The following UTS2 variants were observed in gnomAD, a reference collection of about 807,000 sequenced individuals.
The protein encoded by UTS2 is urotensin 2.
A neutral mutation model predicts 12.6 loss-of-function variants in UTS2; 10 were observed. The ratio of observed to expected loss-of-function variants is 0.80; its 90% CI spans 0.49 to 1.35. The LOEUF (loss-of-function observed/expected upper bound fraction) is 1.35, where lower values mean the gene tolerates loss of function less well. UTS2 is among the 40% of genes most tolerant of loss of function. UTS2 has a pLI of 0.00. For synonymous variants in UTS2, 52 were observed against 50.0 expected (o/e 1.04, Z -0.17); for missense variants, 142 against 143.2 (o/e 0.99, Z 0.04).
the UTS2 span, among the ~76,000 whole-genome samples, chr1:7,908,142 T>C: frequency 1.3e-5 from 2 of 151,350 alleles, no homozygotes; most frequent in East Asian, 3.9e-4. Context: ...CTACTAAAAA[T>C]AGAAAAATTA....
At chr1:7,883,452 A>C in the UTS2 span, among the ~76,000 whole-genome samples, 2 of 152,212 alleles carry the variant, frequency 1.3e-5, no homozygotes, top group Non-Finnish European at 2.9e-5. Context: ...AATAAGTTCC[A>C]GTGTTTGATA....
chr1:7,875,620 G>A, the UTS2 span, among the ~76,000 whole-genome samples: 594 of 152,092 alleles, frequency 3.9e-3, 4 homozygotes, highest in African/African-American at 0.014. Context: ...GACCACAACC[G>A]CCACTGACTG....
chr1:7,866,473 C>T, the UTS2 span, among the ~76,000 whole-genome samples: 1 of 152,188 alleles, frequency 6.6e-6, no homozygotes, highest in Non-Finnish European at 1.5e-5. The surrounding 1 kb of genome is among the most constrained non-coding windows in gnomAD (Gnocchi z 4.5). Context: ...CCAGCCCTCT[C>T]ATAATCTAAT....
the UTS2 span, among the ~76,000 whole-genome samples, chr1:7,900,669 T>A: frequency 5.3e-5 from 8 of 152,052 alleles, no homozygotes; most frequent in African/African-American, 1.9e-4. Flanking sequence ...TAATCCCAGC[T>A]ACTCAGGAGG....
At chr1:7,913,147 C>G in the UTS2 span, among the ~76,000 whole-genome samples, 11 of 151,976 alleles carry the variant, frequency 7.2e-5, no homozygotes, top group African/African-American at 7.2e-5. Context: ...TCCCTCCCAC[C>G]AAGAGACGTG....
chr1:7,863,959 C>A, the UTS2 span, among the ~76,000 whole-genome samples: 13 of 152,206 alleles, frequency 8.5e-5, no homozygotes, highest in Non-Finnish European at 1.9e-4. Flanking sequence ...GTGGCCTCAT[C>A]CCCCGGGGGG....
the UTS2 span, among the ~76,000 whole-genome samples, chr1:7,879,863 T>A: frequency 0.55 from 83,579 of 151,922 alleles, 23,487 homozygotes; most frequent in Non-Finnish European, 0.59. Context: ...TGCCTACATC[T>A]AAAAAGAAGA....
chr1:7,891,597 A>AAAGG, the UTS2 span, among the ~76,000 whole-genome samples: 1 of 150,250 alleles, frequency 6.7e-6, no homozygotes, highest in African/African-American at 2.5e-5. Context: ...AGAAAGAAAG[A>AAAGG]AAATTGCCAA....
the UTS2 span, among the ~76,000 whole-genome samples, chr1:7,901,922 C>A: frequency 3.3e-5 from 5 of 152,060 alleles, no homozygotes; most frequent in African/African-American, 1.2e-4. Flanking sequence ...ATGTCCTAAG[C>A]CAGAGAAAAG....
At chr1:7,855,022 G>T (rs1405895223), upstream of UTS2, among the ~76,000 whole-genome samples, 1 of 152,016 alleles carries the variant, frequency 6.6e-6, no homozygotes, top group South Asian at 2.1e-4. Context: ...TTAGCTGGGC[G>T]TGGTGGCAGG....
At chr1:7,878,817 T>C in the UTS2 span, among the ~76,000 whole-genome samples, 2 of 151,978 alleles carry the variant, frequency 1.3e-5, no homozygotes, top group Non-Finnish European at 2.9e-5. Flanking sequence ...AAAGTGAAAG[T>C]ACAAAAAACA....
At chr1:7,864,819 T>G in the UTS2 span, among the ~76,000 whole-genome samples, 1 of 152,184 alleles carries the variant, frequency 6.6e-6, no homozygotes, top group Non-Finnish European at 1.5e-5. Context: ...TAACCTACCT[T>G]TTGTCAGTTG....
chr1:7,866,588 C>T, the UTS2 span, among the ~76,000 whole-genome samples: 1 of 152,186 alleles, frequency 6.6e-6, no homozygotes, highest in Non-Finnish European at 1.5e-5. This position sits in a 1 kb window ranked among gnomAD's most constrained non-coding sequence, Gnocchi z 4.5. Flanking sequence ...AGAACTCAAC[C>T]TCATCTCCAA....
At chr1:7,863,125 AT>A in the UTS2 span, among the ~76,000 whole-genome samples, 4 of 149,674 alleles carry the variant, frequency 2.7e-5, no homozygotes, top group African/African-American at 9.9e-5. Context: ...ATTGTATTGT[AT>A]TTGAGACGAA....
the UTS2 span, among the ~76,000 whole-genome samples, chr1:7,888,433 C>A: frequency 6.6e-6 from 1 of 151,772 alleles, no homozygotes; most frequent in African/African-American, 2.4e-5. Flanking sequence ...GATGCGTCAT[C>A]TGTGAGTCAC....
At chr1:7,863,452 C>G in the UTS2 span, among the ~76,000 whole-genome samples, 1 of 152,156 alleles carries the variant, frequency 6.6e-6, no homozygotes, top group Non-Finnish European at 1.5e-5. Flanking sequence ...TCTTTTACCC[C>G]TGTATTTCCT....
chr1:7,890,086 A>T, the UTS2 span, among the ~76,000 whole-genome samples: 1 of 149,692 alleles, frequency 6.7e-6, no homozygotes, highest in South Asian at 2.1e-4. Context: ...AGATTGTGCC[A>T]TTGCACTCCA....
At chr1:7,886,759 GA>G in the UTS2 span, among the ~76,000 whole-genome samples, 4 of 151,780 alleles carry the variant, frequency 2.6e-5, no homozygotes, top group African/African-American at 9.7e-5. Flanking sequence ...ATCAGAGGGG[GA>G]AAAAAAGCTC....
the UTS2 span, among the ~76,000 whole-genome samples, chr1:7,871,913 T>C: frequency 6.6e-6 from 1 of 152,056 alleles, no homozygotes; most frequent in Non-Finnish European, 1.5e-5. Flanking sequence ...ACAAACAATA[T>C]TGAAATTAGG....
Sources: allele counts gnomAD v4.1 joint callset (sites outside exome capture counted in the v4.1 genomes callset), GRCh38; gene constraint gnomAD v4.1.1; non-coding constraint Gnocchi (gnomAD v3.1); transcripts MANE v1.5; gene names NCBI Gene and HGNC (gene_info 2026-07-23, HGNC 2026-07-21).